IQSEC1: variants seen among roughly 807,000 people sequenced by gnomAD.
The protein encoded by IQSEC1 is IQ motif and SEC7 domain-containing protein 1.
Under a neutral mutation model 91.0 loss-of-function variants are expected in IQSEC1, and 31 were observed. That is an observed-to-expected ratio of 0.34 (90% CI 0.26 to 0.46). IQSEC1 has a LOEUF of 0.46. IQSEC1 is among the 20% of genes least tolerant of loss of function. The pLI, the probability that IQSEC1 is intolerant of heterozygous loss-of-function variation, is 1.00. For synonymous variants in IQSEC1, 699 were observed against 662.6 expected (o/e 1.05, Z -0.84); for missense variants, 1,388 against 1,575.6 (o/e 0.88, Z 2.02).
chr3:13,131,333 A>G (rs562951757), intron 2 of IQSEC1, among the ~76,000 whole-genome samples: 54 of 150,966 alleles, frequency 3.6e-4, no homozygotes, highest in Non-Finnish European at 7.1e-4. Context: ...ATATTTTCCC[A>G]TTTTTTTAAA....
chr3:13,235,784 G>A (rs1050373022), intron 1 of IQSEC1, among the ~76,000 whole-genome samples: 1 of 152,218 alleles, frequency 6.6e-6, no homozygotes, highest in African/African-American at 2.4e-5. Flanking sequence ...TCCAGTGCCT[G>A]CAGAGAGGGG....
intron 1 of IQSEC1, among the ~76,000 whole-genome samples, chr3:13,202,790 T>C (rs1022992752): frequency 6.6e-6 from 1 of 152,234 alleles, no homozygotes; most frequent in African/African-American, 2.4e-5. Context: ...TTTTATGTTA[T>C]CTGCATTGCA....
intron 1 of IQSEC1, among the ~76,000 whole-genome samples, chr3:13,273,030 GCA>G (rs1366718825): frequency 2.0e-5 from 3 of 152,174 alleles, no homozygotes; most frequent in African/African-American, 7.2e-5. Flanking sequence ...GTGGCTCTGT[GCA>G]CAGTTACATA....
intron 2 of IQSEC1, among the ~76,000 whole-genome samples, chr3:13,116,212 C>T (rs955893427): frequency 2.0e-5 from 3 of 152,164 alleles, no homozygotes; most frequent in Non-Finnish European, 4.4e-5. Context: ...GTGCTGGCTG[C>T]GGGAAACTCA....
intron 2 of IQSEC1, among the ~76,000 whole-genome samples, chr3:13,099,687 C>G (rs1321923720): frequency 6.6e-6 from 1 of 152,208 alleles, no homozygotes; most frequent in Non-Finnish European, 1.5e-5. Context: ...ATCATTATTT[C>G]CTAAAAGGTG....
At chr3:13,080,691 A>T (rs959396255) in intron 2 of IQSEC1, among the ~76,000 whole-genome samples, 1 of 152,016 alleles carries the variant, frequency 6.6e-6, no homozygotes, top group African/African-American at 2.4e-5. Context: ...CTACCCTCCA[A>T]CGGCCACTTC....
chr3:13,146,178 G>A (rs1475430903), intron 2 of IQSEC1, among the ~76,000 whole-genome samples: 1 of 151,462 alleles, frequency 6.6e-6, no homozygotes, highest in Non-Finnish European at 1.5e-5. Flanking sequence ...TAAGAAATGG[G>A]GTCTGGCTAT....
chr3:12,954,515 C>A (rs1002865042), intron 1 of IQSEC1, among the ~76,000 whole-genome samples: 1 of 152,160 alleles, frequency 6.6e-6, no homozygotes, highest in Non-Finnish European at 1.5e-5. Flanking sequence ...TTCCCCTCAG[C>A]AGGAGGGAAG....
At chr3:13,001,367 C>G (rs1284047062) in intron 1 of IQSEC1, among the ~76,000 whole-genome samples, 2 of 152,194 alleles carry the variant, frequency 1.3e-5, no homozygotes, top group African/African-American at 4.8e-5. Context: ...ACTCTGCTCT[C>G]CCGTCTGAGA....
intron 1 of IQSEC1, among the ~76,000 whole-genome samples, chr3:12,942,602 CTA>C (rs1698858227): frequency 6.8e-6 from 1 of 147,850 alleles, no homozygotes; most frequent in East Asian, 2.0e-4. Context: ...GACTCCGTCT[CTA>C]AAAAAAAAAA....
intron 1 of IQSEC1, among the ~76,000 whole-genome samples, chr3:13,180,811 C>T (rs544273472): frequency 1.3e-4 from 19 of 151,706 alleles, no homozygotes; most frequent in Non-Finnish European, 2.1e-4. Context: ...CCTGAGCCAG[C>T]GAGACCACGA....
At chr3:13,176,202 C>T (rs558692480) in intron 1 of IQSEC1, among the ~76,000 whole-genome samples, 18 of 152,274 alleles carry the variant, frequency 1.2e-4, no homozygotes, top group African/African-American at 3.6e-4. Context: ...GCAGATCCCC[C>T]GACTCCAGTC....
At chr3:13,258,972 C>T (rs1695336986) in intron 1 of IQSEC1, among the ~76,000 whole-genome samples, 1 of 152,204 alleles carries the variant, frequency 6.6e-6, no homozygotes, top group South Asian at 2.1e-4. Flanking sequence ...ATCCCCTTCC[C>T]TGGCCCAAGA....
chr3:13,280,999 G>A (rs993302928), intron 1 of IQSEC1, among the ~76,000 whole-genome samples: 1 of 152,250 alleles, frequency 6.6e-6, no homozygotes, highest in Non-Finnish European at 1.5e-5. Context: ...GAAGGACGAC[G>A]TGCTCCCTCT....
intron 1 of IQSEC1, among the ~76,000 whole-genome samples, chr3:13,271,067 G>C (rs1695583260): frequency 6.6e-6 from 1 of 152,120 alleles, no homozygotes; most frequent in Admixed American, 6.6e-5. Context: ...TGATAAAAGG[G>C]ACAATCCATT....
In IQSEC1 at chr3:13,207,709, C is replaced by A. The variant is rs535393681; in HGVS notation, c.273-43576G>T. Among the ~76,000 whole-genome samples, 3 of 152,196 alleles carry A rather than the reference C, an allele frequency of 2.0e-5. No homozygotes were observed. The highest frequency in any genetic ancestry group is 7.2e-5 in the African/African-American group (3 of 41,438). On this transcript the variant is annotated intron_variant, in intron 1 of 15. Transcript: ENST00000648114. This position sits in a 1 kb window ranked among gnomAD's most constrained non-coding sequence, Gnocchi z 4.8. Reference sequence around the variant, plus strand: ...CCTCAGATTCCTGCAGGGGCTTATCCCTGCCATCAGCCGGCCACGCCATCG... The same window carrying A: ...CCTCAGATTCCTGCAGGGGCTTATCACTGCCATCAGCCGGCCACGCCATCG...
rs1696020351 is a variant in IQSEC1, at chr3:12,915,718, T to C, written c.2036A>G (p.Glu679Gly). 1.2e-6 allele frequency: 2 copies of C among 1,614,124 alleles called. No homozygotes were observed. The highest frequency in any genetic ancestry group is 1.7e-6 in the Non-Finnish European group (2 of 1,179,986). Residue 679 changes from glutamate (E) to glycine (G), a missense_variant, in exon 7 of 14, where the codon GAG (glutamate) becomes GGG (glycine). By Grantham distance (98) the Glu-to-Gly change is moderately conservative. This residue lies in a region of IQSEC1 where 1,059 missense variants were observed against 1,317.8 expected (regional missense o/e 0.80). Coordinates refer to ENST00000613206, the MANE Select transcript of IQSEC1 (RefSeq NM_001134382.3). ...IKNLRGVDDG[E>G]DIPREMLMGI... ...CATCAGCATCTCACGGGGAATGTCC[T>C]CACCATCGTCCACACCTGGGTAGGG...
intron 1 of IQSEC1, among the ~76,000 whole-genome samples, chr3:13,053,460 A>G (rs1704766620): frequency 6.6e-6 from 1 of 152,250 alleles, no homozygotes; most frequent in South Asian, 2.1e-4. Context: ...GGCGGGGTCT[A>G]GGTGGCCAAA....
At chr3:13,043,429 C>A (rs1704362799) in intron 1 of IQSEC1, among the ~76,000 whole-genome samples, 1 of 152,222 alleles carries the variant, frequency 6.6e-6, no homozygotes, top group South Asian at 2.1e-4. Flanking sequence ...GCCACCCTCA[C>A]CCCCATGAAT....
Sources: allele counts gnomAD v4.1 joint callset (sites outside exome capture counted in the v4.1 genomes callset), GRCh38; gene constraint gnomAD v4.1.1; regional missense constraint gnomAD v4.1.1; non-coding constraint Gnocchi (gnomAD v3.1); transcripts MANE v1.5; gene names NCBI Gene and HGNC (gene_info 2026-07-23, HGNC 2026-07-21).